The following TBC1D12 variants were observed in gnomAD, a reference collection of about 807,000 sequenced individuals.
TBC1D12 encodes TBC1 domain family, member 12.
TBC1D12 carries 56 observed loss-of-function variants against 86.7 expected under a neutral mutation model. The observed-to-expected ratio is 0.65, with a 90% CI of 0.52 to 0.81. TBC1D12 has a LOEUF of 0.81. Ranked by LOEUF, TBC1D12 falls within the 30% of genes least tolerant of loss-of-function variation. The pLI, the probability that TBC1D12 is intolerant of heterozygous loss-of-function variation, is 0.00. For synonymous variants in TBC1D12, 421 were observed against 411.7 expected (o/e 1.02, Z -0.27); for missense variants, 1,023 against 1,038.8 (o/e 0.98, Z 0.21).
chr10:94,467,777 G>C (rs1055172347), intron 2 of TBC1D12, among the ~76,000 whole-genome samples: 1 of 152,128 alleles, frequency 6.6e-6, no homozygotes, highest in Admixed American at 6.6e-5. Context: ...GCCCAGGTTG[G>C]GGTGCAGCAG....
chr10:94,420,715 G>A (rs530682116), intron 1 of TBC1D12, among the ~76,000 whole-genome samples: 35 of 152,228 alleles, frequency 2.3e-4, no homozygotes, highest in East Asian at 1.4e-3. Context: ...TTATGGTTGC[G>A]TAATAGTCCA....
intron 9 of TBC1D12, among the ~76,000 whole-genome samples, chr10:94,519,414 A>G (rs557980643): frequency 6.6e-6 from 1 of 152,074 alleles, no homozygotes; most frequent in African/African-American, 2.4e-5. Context: ...AAATTAGGCG[A>G]GGCGCAGTGG....
intron 2 of TBC1D12, among the ~76,000 whole-genome samples, chr10:94,442,556 CTG>C (rs1356826648): frequency 6.6e-6 from 1 of 152,160 alleles, no homozygotes; most frequent in African/African-American, 2.4e-5. Context: ...TCTGATATCT[CTG>C]TTAACATCTG....
At chr10:94,423,588 TCTGC>T (rs1045347883) in intron 1 of TBC1D12, among the ~76,000 whole-genome samples, 1 of 152,086 alleles carries the variant, frequency 6.6e-6, no homozygotes, top group African/African-American at 2.4e-5. Flanking sequence ...CCTCAGGTGG[TCTGC>T]CTGCCTCAGC....
chr10:94,408,809 T>C (rs1352870412), intron 1 of TBC1D12, among the ~76,000 whole-genome samples: 1 of 152,150 alleles, frequency 6.6e-6, no homozygotes, highest in African/African-American at 2.4e-5. Context: ...AATATGAAAC[T>C]TCTGATGTTT....
intron 8 of TBC1D12, among the ~76,000 whole-genome samples, chr10:94,511,095 C>CTTTTTTTTTTTTTTTTTT (rs3053917): frequency 3.0e-5 from 2 of 66,830 alleles, no homozygotes; most frequent in East Asian, 4.3e-4. Context: ...GTAAATATTT[C>CTTTTTTTTTTTTTTTTTT]TTTTTTTTTT....
chr10:94,420,674 A>G (rs1279012328), intron 1 of TBC1D12, among the ~76,000 whole-genome samples: 1 of 152,136 alleles, frequency 6.6e-6, no homozygotes, highest in Non-Finnish European at 1.5e-5. Context: ...GTTCATTTAT[A>G]TTGTAGCATG....
At chr10:94,441,621 T>C (rs2055383297) in intron 1 of TBC1D12, among the ~76,000 whole-genome samples, 2 of 152,206 alleles carry the variant, frequency 1.3e-5, no homozygotes, top group Admixed American at 1.3e-4. Context: ...AGGTGCAGAA[T>C]GTGCAGGTTT....
At position 94,527,396 on chromosome 10, in the gene TBC1D12, T is replaced by G. The variant is rs572269093; in HGVS notation, c.2001-3806T>G. Among the ~76,000 whole-genome samples the G allele has an allele frequency of 9.2e-5, 14 of 151,840 alleles. No homozygotes were observed. The East Asian group carries it at 2.3e-3, about 25-fold the overall frequency. On this transcript the variant is annotated intron_variant, in intron 11 of 12. Coordinates refer to ENST00000225235, the MANE Select transcript of TBC1D12 (RefSeq NM_015188.2). The stretch of plus-strand genomic sequence containing the variant: ...GAGCCATGGTGCCTGGCGTTTGTTT[T>G]TTTTTTTTCTTTTGCTGTTGAGATA...
chr10:94,475,619 A>G (rs1264854451), intron 3 of TBC1D12, among the ~76,000 whole-genome samples: 2 of 151,992 alleles, frequency 1.3e-5, no homozygotes, highest in African/African-American at 4.8e-5. Flanking sequence ...CATTTTTAGT[A>G]GAGACAGGGT....
At chr10:94,436,949 A>C (rs1296722992) in intron 1 of TBC1D12, among the ~76,000 whole-genome samples, 1 of 151,966 alleles carries the variant, frequency 6.6e-6, no homozygotes, top group Non-Finnish European at 1.5e-5. Context: ...CTCGTGATCT[A>C]CCTGCCTTGG....
At chr10:94,480,126 C>G (rs941445694) in intron 3 of TBC1D12, among the ~76,000 whole-genome samples, 4 of 152,130 alleles carry the variant, frequency 2.6e-5, no homozygotes, top group African/African-American at 9.7e-5. Context: ...AGATCAGAGC[C>G]GATATCCAGT....
intron 1 of TBC1D12, among the ~76,000 whole-genome samples, chr10:94,411,341 T>C (rs1237677353): frequency 6.6e-6 from 1 of 152,220 alleles, no homozygotes; most frequent in Non-Finnish European, 1.5e-5. Context: ...GCCTTTAACT[T>C]CCAGACCATG....
intron 6 of TBC1D12, among the ~76,000 whole-genome samples, chr10:94,506,076 GC>G (rs2056456960): frequency 6.8e-6 from 1 of 147,362 alleles, no homozygotes; most frequent in African/African-American, 2.5e-5. Flanking sequence ...TCGCTTTGTT[GC>G]CCAGACTGGA....
chr10:94,508,516 T>C (rs2056489067), intron 7 of TBC1D12: 1 of 152,006 alleles, frequency 6.6e-6, no homozygotes, highest in African/African-American at 2.4e-5. Context: ...TCACTAATCC[T>C]TTCTTCTGGT....
At chr10:94,460,471 A>T (rs753690662) in intron 2 of TBC1D12, among the ~76,000 whole-genome samples, 2 of 151,906 alleles carry the variant, frequency 1.3e-5, no homozygotes, top group Non-Finnish European at 2.9e-5. Context: ...GGATAAGTTC[A>T]TATCTTTGCT....
At chr10:94,489,319 C>T (rs896867274) in intron 3 of TBC1D12, among the ~76,000 whole-genome samples, 1 of 152,184 alleles carries the variant, frequency 6.6e-6, no homozygotes, top group African/African-American at 2.4e-5. Flanking sequence ...GTTCCTCAGT[C>T]ACTGTGTTGT....
chr10:94,474,824 T>C (rs772139671), intron 3 of TBC1D12, 41 bp downstream of exon 3: 3 of 1,513,694 alleles, frequency 2.0e-6, no homozygotes, highest in Non-Finnish European at 2.7e-6. Context: ...GTTTATATTT[T>C]AAAGTTAAAT....
intron 11 of TBC1D12, among the ~76,000 whole-genome samples, chr10:94,524,281 C>G (rs1023137954): frequency 6.6e-6 from 1 of 152,172 alleles, no homozygotes; most frequent in Non-Finnish European, 1.5e-5. Flanking sequence ...CTCCTCCTCT[C>G]ACATTCCACT....
Sources: allele counts gnomAD v4.1 joint callset (sites outside exome capture counted in the v4.1 genomes callset), GRCh38; gene constraint gnomAD v4.1.1; transcripts MANE v1.5; gene names NCBI Gene and HGNC (gene_info 2026-07-23, HGNC 2026-07-21).